CXCL13: variants seen among roughly 807,000 people sequenced by gnomAD.
The protein encoded by CXCL13 is C-X-C motif chemokine ligand 13.
Under a neutral mutation model 12.2 loss-of-function variants are expected in CXCL13, and 7 were observed. The ratio of observed to expected loss-of-function variants is 0.57; its 90% CI spans 0.33 to 1.07. The LOEUF is 1.07. Ranked by LOEUF, CXCL13 falls within the 50% of genes least tolerant of loss-of-function variation. CXCL13 has a pLI of 0.04. For synonymous variants in CXCL13, 47 were observed against 42.4 expected (o/e 1.11, Z -0.42); for missense variants, 113 against 127.4 (o/e 0.89, Z 0.55).
intron 1 of CXCL13, among the ~76,000 whole-genome samples, chr4:77,539,787 T>C (rs1454082467): frequency 1.3e-5 from 2 of 152,188 alleles, no homozygotes. Context: ...AACCAATTAT[T>C]ATTTCAGCGA....
intron 1 of CXCL13, among the ~76,000 whole-genome samples, chr4:77,536,075 C>T (rs904217771): frequency 1.3e-5 from 2 of 152,152 alleles, no homozygotes; most frequent in African/African-American, 4.8e-5. Context: ...TGGTGCTCCC[C>T]ATTGGCCAAA....
chr4:77,532,655 C>T (rs1254759598), intron 1 of CXCL13, among the ~76,000 whole-genome samples: 1 of 152,142 alleles, frequency 6.6e-6, no homozygotes, highest in East Asian at 1.9e-4. Context: ...CAACTTGGTT[C>T]CATTCTCCCC....
intron 1 of CXCL13, among the ~76,000 whole-genome samples, chr4:77,526,626 G>T (rs1050630710): frequency 3.3e-5 from 5 of 152,126 alleles, no homozygotes; most frequent in Admixed American, 3.3e-4. Context: ...AGGGGCCAGG[G>T]CTTCAAGTGA....
chr4:77,555,367 C>T (rs1725635856), intron 1 of CXCL13, among the ~76,000 whole-genome samples: 1 of 151,784 alleles, frequency 6.6e-6, no homozygotes, highest in Non-Finnish European at 1.5e-5. Context: ...AACAGGGAAA[C>T]CTAATAGCAC....
At chr4:77,566,380 TGGCAACATTCCTTCAGATTATA>T in intron 1 of CXCL13, among the ~76,000 whole-genome samples, 1 of 152,224 alleles carries the variant, frequency 6.6e-6, no homozygotes, top group South Asian at 2.1e-4. Flanking sequence ...ACTTGCTAAT[TGGCAACATTCCTTCAGATTATA>T]GGAACTAGAA....
In CXCL13 at chr4:77,611,576, T is replaced by C. The variant is rs1042627526; in HGVS notation, c.*537T>C. ...GAATTAAGTCCTACTTTTAAAGAATTTCTTTATAAAATTTACTGTCTAAGA... is the reference window on the plus strand; with the variant it reads ...GAATTAAGTCCTACTTTTAAAGAATCTCTTTATAAAATTTACTGTCTAAGA... On this transcript the variant is annotated 3_prime_UTR_variant, in exon 4 of 4. Transcript: ENST00000682537. 4 of 397,726 alleles carry C rather than the reference T, an allele frequency of 1.0e-5. No homozygotes were observed. In the Admixed American group the frequency reaches 1.8e-4, roughly 18 times the overall value. 24.6% of individuals were successfully genotyped at this position (397,726 alleles called of 1,614,324 possible).
intron 1 of CXCL13, among the ~76,000 whole-genome samples, chr4:77,554,553 A>C (rs1725615088): frequency 6.6e-6 from 1 of 152,282 alleles, no homozygotes; most frequent in Middle Eastern, 3.4e-3. Context: ...CTCAGTAAGA[A>C]TATAGAAGAA....
chr4:77,562,540 T>G (rs1467616327), intron 1 of CXCL13, among the ~76,000 whole-genome samples: 1 of 151,916 alleles, frequency 6.6e-6, no homozygotes, highest in South Asian at 2.1e-4. Context: ...TGGTGGGGAC[T>G]TGAAGAACTT....
chr4:77,550,300 G>T (rs1175244906), intron 1 of CXCL13, among the ~76,000 whole-genome samples: 2 of 152,146 alleles, frequency 1.3e-5, no homozygotes, highest in African/African-American at 4.8e-5. Flanking sequence ...TGCTTCTTGG[G>T]TGAGATGATG....
At chr4:77,569,239 G>A (rs1178859585) in intron 1 of CXCL13, among the ~76,000 whole-genome samples, 2 of 152,136 alleles carry the variant, frequency 1.3e-5, no homozygotes, top group Admixed American at 1.3e-4. Context: ...ACTTCTATTT[G>A]ACACAGTATT....
chr4:77,552,815 C>T (rs1725566413), intron 1 of CXCL13, among the ~76,000 whole-genome samples: 1 of 152,202 alleles, frequency 6.6e-6, no homozygotes, highest in Non-Finnish European at 1.5e-5. Context: ...TGGAGATCTG[C>T]CTGGGGGTAA....
intron 1 of CXCL13, among the ~76,000 whole-genome samples, chr4:77,549,637 C>T (rs1352647461): frequency 6.6e-6 from 1 of 152,202 alleles, no homozygotes; most frequent in Non-Finnish European, 1.5e-5. Flanking sequence ...TCCACTTGAG[C>T]CCCTGTTTGC....
chr4:77,566,357 G>C (rs904218083), intron 1 of CXCL13, among the ~76,000 whole-genome samples: 1 of 152,098 alleles, frequency 6.6e-6, no homozygotes, highest in Non-Finnish European at 1.5e-5. Flanking sequence ...GCAAACCATT[G>C]CACAAAACTT....
chr4:77,543,086 C>T (rs1725247843), intron 1 of CXCL13, among the ~76,000 whole-genome samples: 2 of 152,060 alleles, frequency 1.3e-5, no homozygotes. Flanking sequence ...CTGATTCAAT[C>T]TTGGGAGATT....
rs539764908 is a variant in CXCL13 at position 77,610,018 on chromosome 4, C to A, written c.198-596C>A. Among the ~76,000 whole-genome samples the A allele has an allele frequency of 4.6e-5, 7 of 152,302 alleles. No homozygotes were observed. The East Asian group carries it at 1.3e-3, about 29-fold the overall frequency. On this transcript the variant is annotated intron_variant, in intron 2 of 3. Coordinates refer to ENST00000682537, the MANE Select transcript of CXCL13 (RefSeq NM_001371558.1). ...ATAGTGCCTGGTGTGTTATAAGTAC[C>A]TGATAAATATTAGCTATTAATTATT...
chr4:77,577,818 G>T (rs1438081404), intron 1 of CXCL13, among the ~76,000 whole-genome samples: 3 of 152,114 alleles, frequency 2.0e-5, no homozygotes, highest in African/African-American at 4.8e-5. Flanking sequence ...AGGGAGACCT[G>T]CTCCCTTCTT....
At chr4:77,550,541 C>G (rs998608640) in intron 1 of CXCL13, among the ~76,000 whole-genome samples, 1 of 152,102 alleles carries the variant, frequency 6.6e-6, no homozygotes, top group African/African-American at 2.4e-5. Flanking sequence ...TGTGGCCAAG[C>G]ATGTGGTTGA....
At chr4:77,534,400 C>T (rs1389988986) in intron 1 of CXCL13, among the ~76,000 whole-genome samples, 2 of 152,124 alleles carry the variant, frequency 1.3e-5, no homozygotes, top group Admixed American at 6.5e-5. Flanking sequence ...TGAAATACTA[C>T]CCAGAAATAA....
chr4:77,590,130 G>T (rs909580418), intron 1 of CXCL13, among the ~76,000 whole-genome samples: 1 of 152,112 alleles, frequency 6.6e-6, no homozygotes, highest in Non-Finnish European at 1.5e-5. Flanking sequence ...GTACTGCGTG[G>T]CTCCGGGAAA....
Sources: gnomAD v4.1 joint callset for allele counts (sites outside exome capture counted in the v4.1 genomes callset) on GRCh38, gnomAD v4.1.1 for gene constraint, MANE v1.5 for transcripts, NCBI Gene and HGNC (gene_info 2026-07-23, HGNC 2026-07-21) for gene names.